The following KAZN variants were observed in gnomAD, a reference collection of about 807,000 sequenced individuals.
KAZN encodes the protein kazrin.
In KAZN, 40 loss-of-function variants were observed where a neutral mutation model predicts 87.4. That is an observed-to-expected ratio of 0.46 (90% CI 0.36 to 0.60). The LOEUF (loss-of-function observed/expected upper bound fraction) is 0.60. KAZN is among the 20% of genes least tolerant of loss of function. The probability of loss-of-function intolerance (pLI) is 0.00; values close to 1 mark genes in which losing one functional copy is unlikely to be tolerated. For synonymous variants in KAZN, 466 were observed against 458.3 expected, an observed-to-expected ratio of 1.02 and a Z score of -0.22; for missense variants, 898 against 1,073.9, an observed-to-expected ratio of 0.84 and a Z score of 2.29.
chr1:14,910,040 G>C (rs1437507740), intron 1 of KAZN, among the ~76,000 whole-genome samples: 1 of 133,128 alleles, frequency 7.5e-6, no homozygotes, highest in East Asian at 2.1e-4. Context: ...GACAGAGTAA[G>C]ACCTTGTCTC....
chr1:14,583,761 T>G (rs1315054415), intron 2 of KAZN, among the ~76,000 whole-genome samples: 2 of 152,202 alleles, frequency 1.3e-5, no homozygotes, highest in African/African-American at 2.4e-5. Context: ...GTATCCACTC[T>G]GCAGGCTAGG....
chr1:14,616,800 C>T (rs1036510675), intron 1 of KAZN, among the ~76,000 whole-genome samples: 5 of 152,186 alleles, frequency 3.3e-5, no homozygotes, highest in African/African-American at 9.7e-5. Context: ...AGGCAGGATA[C>T]ACTTGGGAAG....
intron 1 of KAZN, among the ~76,000 whole-genome samples, chr1:14,669,034 G>A (rs551909215): frequency 2.6e-5 from 4 of 152,256 alleles, no homozygotes; most frequent in East Asian, 1.9e-4. Context: ...TATGCTATTC[G>A]TAAACATCTT....
At chr1:14,281,146 G>A (rs747640668) in intron 2 of KAZN, among the ~76,000 whole-genome samples, 12 of 152,134 alleles carry the variant, frequency 7.9e-5, no homozygotes, top group Non-Finnish European at 1.5e-4. Flanking sequence ...GAGGCCTCCC[G>A]TCTTGCTTGG....
intron 8 of KAZN, among the ~76,000 whole-genome samples, chr1:15,089,497 C>T (rs12743125): frequency 2.0e-5 from 3 of 152,174 alleles, no homozygotes; most frequent in Non-Finnish European, 2.9e-5. Context: ...CAGCTAAACT[C>T]TAGGTGTGGC....
At chr1:15,011,780 T>C (rs1326892387) in intron 2 of KAZN, among the ~76,000 whole-genome samples, 4 of 152,154 alleles carry the variant, frequency 2.6e-5, no homozygotes, top group Non-Finnish European at 4.4e-5. Context: ...GAGCAGGGAA[T>C]CTTGTGTCCT....
At chr1:14,679,480 G>A (rs12028734) in intron 1 of KAZN, among the ~76,000 whole-genome samples, 60,496 of 151,808 alleles carry the variant, frequency 0.4, 13,151 homozygotes, top group South Asian at 0.51. Flanking sequence ...AGTGGTAGGG[G>A]CTGTGGGTTC....
At chr1:14,748,852 G>C (rs1386319171) in intron 1 of KAZN, among the ~76,000 whole-genome samples, 5 of 152,118 alleles carry the variant, frequency 3.3e-5, no homozygotes, top group Admixed American at 3.3e-4. Flanking sequence ...CCCCTGGATA[G>C]GAAAGTACTG....
exon 2 of KAZN, chr1:14,180,531 C>T (rs1224116842): frequency 3.2e-6 from 5 of 1,550,132 alleles, no homozygotes; most frequent in African/African-American, 2.7e-5. Flanking sequence ...TTTCTACCCA[C>T]TGAGAAGGAG....
intron 2 of KAZN, among the ~76,000 whole-genome samples, chr1:14,351,294 T>C: frequency 6.6e-6 from 1 of 152,192 alleles, no homozygotes; most frequent in Non-Finnish European, 1.5e-5. Context: ...GGCCAGGCAC[T>C]GTGGCTCACA....
At chr1:14,383,483 G>A (rs371599610) in intron 2 of KAZN, among the ~76,000 whole-genome samples, 1 of 151,500 alleles carries the variant, frequency 6.6e-6, no homozygotes, top group Non-Finnish European at 1.5e-5. Context: ...ATCTTGAATT[G>A]ATTTTTGTAT....
chr1:14,787,788 G>C (rs1420677492), intron 1 of KAZN, among the ~76,000 whole-genome samples: 2 of 152,154 alleles, frequency 1.3e-5, no homozygotes, highest in Non-Finnish European at 2.9e-5. Context: ...TGGAAGGAGG[G>C]ACAGCTGTCT....
Position 14,820,289 on chromosome 1 carries a change from C to T in KAZN, c.227-140395C>T, listed in dbSNP as rs1260175308. Reference sequence around the variant, plus strand: ...AGCCTACTCTCCCTAACTGTTTCCCCGCAGAGGCTTCAGGGCTTTTGAGGG... The same window carrying T: ...AGCCTACTCTCCCTAACTGTTTCCCTGCAGAGGCTTCAGGGCTTTTGAGGG... On this transcript the variant is annotated intron_variant, in intron 1 of 14. Transcript: ENST00000376030. This position sits in a 1 kb window ranked among gnomAD's most constrained non-coding sequence, Gnocchi z 4.1. Among the ~76,000 whole-genome samples the T allele has an allele frequency of 2.0e-5, 3 of 152,178 alleles. No homozygotes were observed. The highest frequency in any genetic ancestry group is 1.3e-4 in the Admixed American group (2 of 15,276).
chr1:14,350,524 T>G (rs1453762857), intron 2 of KAZN, among the ~76,000 whole-genome samples: 2 of 152,174 alleles, frequency 1.3e-5, no homozygotes, highest in Non-Finnish European at 2.9e-5. Flanking sequence ...GGAGATCTTT[T>G]GGGTTGTCAT....
At chr1:14,796,320 C>T (rs767219574) in intron 1 of KAZN, among the ~76,000 whole-genome samples, 14 of 152,228 alleles carry the variant, frequency 9.2e-5, no homozygotes, top group Non-Finnish European at 1.6e-4. Flanking sequence ...AGGCCACCTC[C>T]GTTCTCCAAA....
rs1571979472 is a variant in KAZN at position 14,581,546 on chromosome 1, A to G, written c.250-17437A>G. 3.9e-5 allele frequency among the ~76,000 whole-genome samples: 6 copies of G among 152,216 alleles called. 1 individual carries two copies. In the South Asian group the frequency reaches 1.2e-3, roughly 32 times the overall value. On this transcript the variant is annotated intron_variant, in intron 2 of 16. Coordinates refer to the KAZN transcript ENST00000636203. ...TGCCACACAGCGTGCCAAAGCATAA[A>G]TCATCTCGTGTCGTTCCTCTACTCA...
chr1:14,475,901 C>T (rs1668696409), intron 2 of KAZN, among the ~76,000 whole-genome samples: 1 of 152,016 alleles, frequency 6.6e-6, no homozygotes, highest in Admixed American at 6.6e-5. Flanking sequence ...CGGAAGGTTA[C>T]TTGTCATGCT....
chr1:14,267,767 C>T (rs1405129464), intron 2 of KAZN, among the ~76,000 whole-genome samples: 1 of 152,070 alleles, frequency 6.6e-6, no homozygotes, highest in Admixed American at 6.5e-5. Context: ...CAGGACTAGC[C>T]TGGCCAACAT....
intron 1 of KAZN, among the ~76,000 whole-genome samples, chr1:14,804,122 C>T (rs1646128784): frequency 6.6e-6 from 1 of 152,232 alleles, no homozygotes; most frequent in Non-Finnish European, 1.5e-5. Flanking sequence ...CTGTTGGACC[C>T]CTGGTGTCAT....
Sources: allele counts gnomAD v4.1 joint callset (sites outside exome capture counted in the v4.1 genomes callset), GRCh38; gene constraint gnomAD v4.1.1; non-coding constraint Gnocchi (gnomAD v3.1); transcripts MANE v1.5; gene names NCBI Gene and HGNC (gene_info 2026-07-23, HGNC 2026-07-21).